The following RBBP8NL variants were observed in gnomAD, a reference collection of about 807,000 sequenced individuals.
The protein encoded by RBBP8NL is RBBP8 N-terminal like.
RBBP8NL carries 59 observed loss-of-function variants against 62.2 expected under a neutral mutation model. That is an observed-to-expected ratio of 0.95 (90% CI 0.77 to 1.18). The LOEUF (loss-of-function observed/expected upper bound fraction) is 1.18, where lower values mean the gene tolerates loss of function less well. Ranked by LOEUF, RBBP8NL falls within the 50% of genes most tolerant of loss-of-function variation. The pLI, the probability that RBBP8NL is intolerant of heterozygous loss-of-function variation, is 0.00. For missense variants in RBBP8NL, 896 were observed against 899.5 expected (o/e 1.00, Z 0.05); for synonymous variants, 412 against 394.1 (o/e 1.05, Z -0.54).
intron 9 of RBBP8NL, 99 bp downstream of exon 9, chr20:62,415,022 A>T (rs771671010): frequency 1.9e-4 from 238 of 1,261,220 alleles, no homozygotes; most frequent in Non-Finnish European, 2.4e-4. Flanking sequence ...AGAGAAGTTC[A>T]GGGCTGTGAG....
Position 62,410,403 on chromosome 20 carries a change from C to T in RBBP8NL, c.*475G>A, listed in dbSNP as rs538455305. The T allele has an allele frequency of 4.4e-4, 68 of 156,180 alleles. No homozygotes were observed. The highest frequency in any genetic ancestry group is 8.3e-4 in the Non-Finnish European group (59 of 70,752). 9.7% of individuals were successfully genotyped at this position (156,180 alleles called of 1,614,324 possible). On this transcript the variant is annotated 3_prime_UTR_variant, in exon 14 of 14. Transcript: ENST00000252998. ...AGCTTGGCGGGCAGGGGTGGGGGTC[C>T]GAGTGGTCCGTTGCCTCCCAGAGCG... is the stretch of plus-strand genomic sequence containing the variant.
At chr20:62,411,053 C>T (rs1450950557) in intron 13 of RBBP8NL, 57 bp from the exon 14 acceptor site, 3 of 1,188,062 alleles carry the variant, frequency 2.5e-6, no homozygotes, top group Non-Finnish European at 3.7e-6. Context: ...TGAGGCAACA[C>T]TGGCTCTCAC....
At chr20:62,416,678 A>G in intron 5 of RBBP8NL, 82 bp downstream of exon 5, 1 of 916,566 alleles carries the variant, frequency 1.1e-6, no homozygotes, top group East Asian at 2.7e-5. Context: ...TCCTTTCCCC[A>G]TGCCCCTACA....
chr20:62,424,318 G>A (rs531789987), intron 1 of RBBP8NL, among the ~76,000 whole-genome samples: 147 of 152,146 alleles, frequency 9.7e-4, no homozygotes, highest in African/African-American at 3.3e-3. Flanking sequence ...TGTGAGGGGC[G>A]CATGTCTGTC....
intron 2 of RBBP8NL, among the ~76,000 whole-genome samples, chr20:62,419,206 G>T (rs1248574882): frequency 6.6e-6 from 1 of 152,186 alleles, no homozygotes; most frequent in Non-Finnish European, 1.5e-5. Flanking sequence ...GGCCGGCCAG[G>T]GTGGGTACTT....
In RBBP8NL at chr20:62,410,396, G is replaced by C. The variant is rs1988405641; in HGVS notation, c.*482C>G. On this transcript the variant is annotated 3_prime_UTR_variant, in exon 14 of 14. Coordinates refer to ENST00000252998, the MANE Select transcript of RBBP8NL (RefSeq NM_080833.3). The stretch of plus-strand genomic sequence containing the variant: ...TGCTTGGAGCTTGGCGGGCAGGGGT[G>C]GGGGTCCGAGTGGTCCGTTGCCTCC... The C allele has an allele frequency of 6.4e-6, 1 of 155,794 alleles. No homozygotes were observed. Among genetic ancestry groups the C allele is most frequent in the African/African-American group, 2.4e-5 (1 of 41,706 alleles). 9.7% of individuals were successfully genotyped at this position (155,794 alleles called of 1,614,324 possible). A position where few individuals can be genotyped will look rare whatever the true frequency, so the allele number is the denominator to read the frequency against.
At chr20:62,425,975 T>C (rs1184350171) in intron 1 of RBBP8NL, among the ~76,000 whole-genome samples, 1 of 149,860 alleles carries the variant, frequency 6.7e-6, no homozygotes, top group Non-Finnish European at 1.5e-5. Flanking sequence ...GCAGTGGCAG[T>C]GGCAGTAGCA....
In RBBP8NL at chr20:62,410,974, C is replaced by T; in HGVS notation, c.1899G>A (p.Gly633=). The T allele has an allele frequency of 6.2e-7, 1 of 1,613,372 alleles. No homozygotes were observed. The highest frequency in any genetic ancestry group is 8.5e-7 in the Non-Finnish European group (1 of 1,179,520). ...GDKASKKPSR[G]RRKLTATEGP... is the part of the protein sequence containing the mutation. ...CCTCAGTGGCTGTCAGTTTCCTTCTCCCTCTGGATGGCTTTTTGGAGGCTA... is the reference window on the plus strand; with the variant it reads ...CCTCAGTGGCTGTCAGTTTCCTTCTTCCTCTGGATGGCTTTTTGGAGGCTA... The change falls in exon 14 of 14, where the codon GGG becomes GGA. Residue 633 remains glycine, a synonymous_variant. Transcript: ENST00000252998.
Position 62,415,197 on chromosome 20 carries a change from T to A in RBBP8NL, c.718A>T (p.Asn240Tyr). Residue 240 changes from asparagine (N) to tyrosine (Y), a missense_variant, in exon 9 of 14, where the codon AAT (asparagine) becomes TAT (tyrosine). By Grantham distance (143) the Asn-to-Tyr change is moderately radical (BLOSUM62 -2). Coordinates refer to ENST00000252998, the MANE Select transcript of RBBP8NL (RefSeq NM_080833.3). ...QACPADRGPA[N>Y]GTPPPLPARS... Reference sequence around the variant, plus strand: ...GCGGGCAGTGGTGGGGGCGTCCCATTGGCGGGGCCTCGGTCGGCAGGGCAA... The same window carrying A: ...GCGGGCAGTGGTGGGGGCGTCCCATAGGCGGGGCCTCGGTCGGCAGGGCAA... 2.6e-6 allele frequency: 4 copies of A among 1,513,798 alleles called. No homozygotes were observed. Among genetic ancestry groups the A allele is most frequent in the Non-Finnish European group, 3.5e-6 (4 of 1,130,128 alleles). The allele number at this position is 1,513,798 out of a possible 1,614,324, so 93.8% of individuals were successfully genotyped here.
At chr20:62,411,776 AC>A (rs1182017727) in intron 13 of RBBP8NL, among the ~76,000 whole-genome samples, 2 of 151,862 alleles carry the variant, frequency 1.3e-5, no homozygotes, top group South Asian at 2.1e-4. Context: ...CACAGACTGC[AC>A]CCCCCGGGGC....
intron 1 of RBBP8NL, among the ~76,000 whole-genome samples, chr20:62,422,052 G>A (rs573088312): frequency 1.3e-5 from 2 of 152,196 alleles, no homozygotes; most frequent in Non-Finnish European, 2.9e-5. Flanking sequence ...TCTCTTCCAG[G>A]ACCACTCTCC....
chr20:62,413,471 C>T lies in RBBP8NL; in HGVS notation c.1605G>A (p.Gly535=), dbSNP rs780322090. The T allele has an allele frequency of 1.3e-6, 2 of 1,483,194 alleles. No homozygotes were observed. The highest frequency in any genetic ancestry group is 2.9e-5 in the South Asian group (2 of 68,446). The allele number at this position is 1,483,194 out of a possible 1,614,324, so 91.9% of individuals were successfully genotyped here. The change falls in exon 11 of 14, where the codon GGG becomes GGA. Residue 535 remains glycine, a synonymous_variant. Coordinates refer to ENST00000252998, the MANE Select transcript of RBBP8NL (RefSeq NM_080833.3). ...GTGGGTGGGGAGGTGGCAGAGGCCT[C>T]CCTGTGTCTTCATCTTCTGTACTGC... is the stretch of plus-strand genomic sequence containing the variant. ...SPGSTEDEDT[G]RPLPPPHPQP... is the part of the protein sequence containing the mutation.
intron 1 of RBBP8NL, among the ~76,000 whole-genome samples, chr20:62,423,213 C>A (rs1432230970): frequency 6.6e-6 from 1 of 152,156 alleles, no homozygotes; most frequent in Non-Finnish European, 1.5e-5. Context: ...TTGACCACAC[C>A]ACGAAGACCT....
chr20:62,426,903 C>T (rs117805399), intron 1 of RBBP8NL, among the ~76,000 whole-genome samples: 2,798 of 152,346 alleles, frequency 0.018, 35 homozygotes, highest in Non-Finnish European at 0.026. Flanking sequence ...GGAGGTGGGC[C>T]GGGCTGCTCT....
chr20:62,418,667 C>T (rs1028327949), intron 2 of RBBP8NL, among the ~76,000 whole-genome samples: 1 of 152,206 alleles, frequency 6.6e-6, no homozygotes, highest in African/African-American at 2.4e-5. Context: ...GCATCTGTTG[C>T]TTCCCCTGGG....
rs182165607 is a variant in RBBP8NL, at chr20:62,414,920, C to T, written c.794+201G>A. ...CCTACTTGTTCTCAGACAATGTCCA[C>T]ATCCCCTGCCCCCACGCCCCAGGCC... On this transcript the variant is annotated intron_variant, in intron 9 of 13. Coordinates refer to ENST00000252998, the MANE Select transcript of RBBP8NL (RefSeq NM_080833.3). Among the ~76,000 whole-genome samples the T allele has an allele frequency of 2.8e-4, 42 of 152,358 alleles. No homozygotes were observed. The East Asian group carries it at 6.0e-3, about 22-fold the overall frequency.
Position 62,418,472 on chromosome 20 carries a change from G to T in RBBP8NL, c.62-7C>A. ...AGAAGCTTGTTCTGCAGGCCTGGGG[G>T]AGCAAGCAGAGGGGCGGGGGGTCAG... On this transcript the variant is annotated splice_region_variant and splice_polypyrimidine_tract_variant and intron_variant, in intron 2 of 13. Coordinates refer to ENST00000252998, the MANE Select transcript of RBBP8NL (RefSeq NM_080833.3). 6.5e-7 allele frequency: 1 copy of T among 1,549,904 alleles called. No individual in the cohort carries two copies. The highest frequency in any genetic ancestry group is 1.7e-4 in the Middle Eastern group (1 of 5,942).
chr20:62,410,567 T>A lies in RBBP8NL; in HGVS notation c.*311A>T. On this transcript the variant is annotated 3_prime_UTR_variant, in exon 14 of 14. Transcript: ENST00000252998. ...GAGGGGCCGCAGAGCATTTCCCAGG[T>A]GGGTGGAGACGGGGTGAATCGCCAG... The A allele has an allele frequency of 2.5e-6, 1 of 401,290 alleles. No individual in the cohort carries two copies. The highest frequency in any genetic ancestry group is 2.0e-5 in the African/African-American group (1 of 48,818). The allele number at this position is 401,290 out of a possible 1,614,324, so 24.9% of individuals were successfully genotyped here.
chr20:62,424,296 G>A (rs73916602), intron 1 of RBBP8NL, among the ~76,000 whole-genome samples: 4 of 100,966 alleles, frequency 4.0e-5, no homozygotes, highest in Admixed American at 8.9e-5. Context: ...GCTGGGCCGT[G>A]GGGGGGGCAG....
Sources: gnomAD v4.1 joint callset for allele counts (sites outside exome capture counted in the v4.1 genomes callset) on GRCh38, gnomAD v4.1.1 for gene constraint, MANE v1.5 for transcripts, NCBI Gene and HGNC (gene_info 2026-07-23, HGNC 2026-07-21) for gene names.